COL16A1: variants seen among roughly 807,000 people sequenced by gnomAD.
COL16A1 encodes the protein collagen type XVI alpha 1 chain.
COL16A1 carries 189 observed loss-of-function variants against 266.3 expected under a neutral mutation model. The observed-to-expected ratio is 0.71, with a 90% CI of 0.63 to 0.80. COL16A1 has a LOEUF of 0.80. COL16A1 is among the 30% of genes least tolerant of loss of function. The pLI is 0.00. For missense variants in COL16A1, 1,928 were observed against 2,122.4 expected, an observed-to-expected ratio of 0.91 and a Z score of 1.80; for synonymous variants, 740 against 782.3, an observed-to-expected ratio of 0.95 and a Z score of 0.90.
intron 56 of COL16A1, 164 bp from the exon 57 acceptor site, chr1:31,662,822 C>A: frequency 1.5e-6 from 1 of 669,080 alleles, no homozygotes; most frequent in South Asian, 1.9e-5. Context: ...ATATGTGCCA[C>A]ACGTCGCCTC....
chr1:31,658,507 G>C lies in COL16A1; in HGVS notation c.4001C>G (p.Pro1334Arg). ...LAGLPGQPGP[P>R]GHPGPPGEPG... ...TCTTACTGGGGGGCCAGGGTGTCCA[G>C]GGGGGCCGGGCTGGCCTGGGAGGCC... The change falls in exon 64 of 71, where the codon CCT becomes CGT. Residue 1334 changes from proline to arginine, a missense_variant. Around this residue, in one of 2 missense-constraint regions of COL16A1, gnomAD observed 376 missense variants for 485.2 expected, o/e 0.77. Coordinates refer to ENST00000373672, the MANE Select transcript of COL16A1 (RefSeq NM_001856.4). 6.2e-7 allele frequency: 1 copy of C among 1,603,272 alleles called. No individual in the cohort carries two copies. The highest frequency in any genetic ancestry group is 8.5e-7 in the Non-Finnish European group (1 of 1,175,922).
Position 31,691,463 on chromosome 1 carries a change from G to A in COL16A1, c.1352C>T (p.Pro451Leu), listed in dbSNP as rs548698148. The A allele has an allele frequency of 2.3e-5, 37 of 1,613,220 alleles. No individual in the cohort carries two copies. Among genetic ancestry groups the A allele is most frequent in the South Asian group, 4.4e-5 (4 of 91,024 alleles). The change falls in exon 19 of 71, where the codon CCC (proline) becomes CTC (leucine). Residue 451 changes from proline to leucine, a missense_variant. Transcript: ENST00000373672. ...GPEGLAGEPG[P>L]PGLPGPPGIG... Reference sequence around the variant, plus strand: ...CCCAGGGGGTCCAGGGAGGCCGGGGGGCCCAGGCTCTCCTGCCAGCCCCTC... The same window carrying A: ...CCCAGGGGGTCCAGGGAGGCCGGGGAGCCCAGGCTCTCCTGCCAGCCCCTC...
intron 31 of COL16A1, 88 bp downstream of exon 31, chr1:31,684,435 T>C: frequency 6.5e-7 from 1 of 1,544,042 alleles, no homozygotes; most frequent in South Asian, 1.2e-5. Context: ...AGGCCCCAGC[T>C]GGCCCTGCAG....
rs1644114591 is a variant in COL16A1 at position 31,688,797 on chromosome 1, G to C, written c.1767+64C>G. ...CTGAGACTTGGGATCTGAAAAGCCA[G>C]GGAGATCAACAGTATGGCAAGGATG... On this transcript the variant is annotated intron_variant, in intron 25 of 70. Transcript: ENST00000373672. The surrounding 1 kb of genome is among the most constrained non-coding windows in gnomAD (Gnocchi z 4.9). 6.7e-6 allele frequency: 10 copies of C among 1,503,350 alleles called. No individual in the cohort carries two copies. Among genetic ancestry groups the C allele is most frequent in the Non-Finnish European group, 9.1e-6 (10 of 1,098,532 alleles). The allele number at this position is 1,503,350 out of a possible 1,614,324, so 93.1% of individuals were successfully genotyped here. A position where few individuals can be genotyped will look rare whatever the true frequency, so the allele number is the denominator to read the frequency against.
chr1:31,654,372 C>A (rs1640910984), intron 68 of COL16A1, among the ~76,000 whole-genome samples: 1 of 152,230 alleles, frequency 6.6e-6, no homozygotes, highest in Admixed American at 6.5e-5. Context: ...AGACGTCCAG[C>A]CCTTTCAGGA....
At position 31,688,862 on chromosome 1, in the gene COL16A1, G is replaced by T. The variant is rs766328375; in HGVS notation, c.1766C>A (p.Pro589Gln). The T allele has an allele frequency of 1.2e-6, 2 of 1,612,866 alleles. No homozygotes were observed. The highest frequency in any genetic ancestry group is 8.5e-7 in the Non-Finnish European group (1 of 1,179,342). Reference sequence around the variant, plus strand: ...GGCTGGGAGAAAGTCGTCACTCACCGGAAGGCCAGGCAGACCAAAGCCAGG... The same window carrying T: ...GGCTGGGAGAAAGTCGTCACTCACCTGAAGGCCAGGCAGACCAAAGCCAGG... Reference protein sequence around the residue: ...GSPGFGLPGLPGRAGVPGLKG... With the variant: ...GSPGFGLPGLQGRAGVPGLKG... Residue 589 changes from proline (P) to glutamine (Q), a missense_variant and splice_region_variant, in exon 25 of 71, where the codon CCG becomes CAG. Transcript: ENST00000373672. The surrounding 1 kb of genome is among the most constrained non-coding windows in gnomAD (Gnocchi z 4.9).
In COL16A1 at chr1:31,698,126, G is replaced by T; in HGVS notation, c.437C>A (p.Ala146Asp). The T allele has an allele frequency of 6.2e-7, 1 of 1,613,942 alleles. No individual in the cohort carries two copies. The highest frequency in any genetic ancestry group is 1.1e-5 in the South Asian group (1 of 91,074). Residue 146 changes from alanine (A) to aspartate (D), a missense_variant, in exon 6 of 71, where the codon GCC becomes GAC. Around this residue, in one of 2 missense-constraint regions of COL16A1, gnomAD observed 1,552 missense variants for 1,637.2 expected, o/e 0.95. Coordinates refer to ENST00000373672, the MANE Select transcript of COL16A1 (RefSeq NM_001856.4). The surrounding 1 kb of genome is among the most constrained non-coding windows in gnomAD (Gnocchi z 4.1). ...CACAAAGTCGCCATCCTGGCCCTGGGCCCTGAGCTCCAGGCTCCGCTCTTG... is the reference window on the plus strand; with the variant it reads ...CACAAAGTCGCCATCCTGGCCCTGGTCCCTGAGCTCCAGGCTCCGCTCTTG... ...NSQERSLELR[A>D]QGQDGDFVSC...
intron 42 of COL16A1, 141 bp from the exon 43 acceptor site, chr1:31,675,452 A>C: frequency 7.7e-7 from 1 of 1,293,860 alleles, no homozygotes; most frequent in Non-Finnish European, 1.1e-6. Flanking sequence ...GCTGACATCT[A>C]TTCTTAGCTC....
Position 31,688,769 on chromosome 1 carries a change from G to A in COL16A1, c.1767+92C>T. 7.4e-7 allele frequency: 1 copy of A among 1,354,374 alleles called. No homozygotes were observed. The highest frequency in any genetic ancestry group is 1.0e-6 in the Non-Finnish European group (1 of 973,500). 83.9% of individuals were successfully genotyped at this position (1,354,374 alleles called of 1,614,324 possible). ...CCTCTTCCCCTCCCTCCTGATCCCT[G>A]CCCTGAGACTTGGGATCTGAAAAGC... On this transcript the variant is annotated intron_variant, in intron 25 of 70. Coordinates refer to ENST00000373672, the MANE Select transcript of COL16A1 (RefSeq NM_001856.4). The surrounding 1 kb of genome is among the most constrained non-coding windows in gnomAD (Gnocchi z 4.9).
At position 31,668,468 on chromosome 1, in the gene COL16A1, C is replaced by G. The variant is rs949264443; in HGVS notation, c.3250-250G>C. Among the ~76,000 whole-genome samples, 5 of 152,134 alleles carry G rather than the reference C, an allele frequency of 3.3e-5. No individual in the cohort carries two copies. The highest frequency in any genetic ancestry group is 7.4e-5 in the Non-Finnish European group (5 of 68,024). ...CTGAGAGCTGAGCCGGAGCAGGGAG[C>G]CCAGAGCAGGCATGAGGACCAGGGA... is the stretch of plus-strand genomic sequence containing the variant. On this transcript the variant is annotated intron_variant, in intron 50 of 70. Transcript: ENST00000373672. The surrounding 1 kb of genome is among the most constrained non-coding windows in gnomAD (Gnocchi z 5.8).
At chr1:31,666,113 C>T in intron 52 of COL16A1, 32 bp from the exon 53 acceptor site, 1 of 1,598,072 alleles carries the variant, frequency 6.3e-7, no homozygotes, top group Non-Finnish European at 8.5e-7. Flanking sequence ...ATCAGTCACT[C>T]CTCCTGGGGA....
chr1:31,672,926 G>A (rs774007382), intron 44 of COL16A1, 86 bp from the exon 45 acceptor site: 2 of 1,271,376 alleles, frequency 1.6e-6, no homozygotes, highest in South Asian at 1.3e-5. Context: ...AGAACCCAGA[G>A]CCAGGGCTCC....
Position 31,657,260 on chromosome 1 carries a change from C to A in COL16A1, c.4021-192G>T. ...CCCACCCCATACTCCAGCGTGATCCCAGAGCCCCAACAGCTCCCAGCCCCC... is the reference window on the plus strand; with the variant it reads ...CCCACCCCATACTCCAGCGTGATCCAAGAGCCCCAACAGCTCCCAGCCCCC... On this transcript the variant is annotated intron_variant, in intron 64 of 70. Coordinates refer to ENST00000373672, the MANE Select transcript of COL16A1 (RefSeq NM_001856.4). This position sits in a 1 kb window ranked among gnomAD's most constrained non-coding sequence, Gnocchi z 6.4. 3.1e-6 allele frequency: 2 copies of A among 641,160 alleles called. No individual in the cohort carries two copies. Among genetic ancestry groups the A allele is most frequent in the East Asian group, 2.7e-5 (1 of 36,444 alleles). 39.7% of individuals were successfully genotyped at this position (641,160 alleles called of 1,614,324 possible).
chr1:31,685,908 GAAGGGAGAACAGGAAAGAAACA>G lies in COL16A1; in HGVS notation c.1885-160_1885-139del. On this transcript the variant is annotated intron_variant, in intron 28 of 70. Transcript: ENST00000373672. This position sits in a 1 kb window ranked among gnomAD's most constrained non-coding sequence, Gnocchi z 4.0. ...GGTGAGGGGTTATCTTGGGAAAGAT[GAAGGGAGAACAGGAAAGAAACA>G]AAGGTGGAGCTGAGTCATCAGGGGT... 1 of 1,503,692 alleles carries G rather than the reference GAAGGGAGAACAGGAAAGAAACA, an allele frequency of 6.7e-7. No homozygotes were observed. The highest frequency in any genetic ancestry group is 9.0e-7 in the Non-Finnish European group (1 of 1,108,798). 93.1% of individuals were successfully genotyped at this position (1,503,692 alleles called of 1,614,324 possible).
intron 37 of COL16A1, among the ~76,000 whole-genome samples, chr1:31,681,400 C>G (rs1643633877): frequency 6.6e-6 from 1 of 152,252 alleles, no homozygotes; most frequent in African/African-American, 2.4e-5. Context: ...GACCCAACAG[C>G]CAGCTGCAGC....
At chr1:31,690,464 C>T in intron 21 of COL16A1, 65 bp downstream of exon 21, 1 of 1,614,202 alleles carries the variant, frequency 6.2e-7, no homozygotes, top group Non-Finnish European at 8.5e-7. Context: ...GGCCGGAGGA[C>T]CTAGCCCCTC....
intron 42 of COL16A1, 134 bp from the exon 43 acceptor site, chr1:31,675,445 G>A: frequency 1.5e-6 from 2 of 1,329,366 alleles, no homozygotes; most frequent in South Asian, 2.7e-5. Context: ...GCACAAGGCT[G>A]ACATCTATTC....
Position 31,697,352 on chromosome 1 carries a change from G to A in COL16A1, c.658-52C>T. Reference sequence around the variant, plus strand: ...ACTTCATTTTATCAAATAGCTCTGTGTCCTGGCCCCCCAGGAGGCACAGAG... The same window carrying A: ...ACTTCATTTTATCAAATAGCTCTGTATCCTGGCCCCCCAGGAGGCACAGAG... On this transcript the variant is annotated intron_variant, in intron 6 of 70. Transcript: ENST00000373672. The surrounding 1 kb of genome is among the most constrained non-coding windows in gnomAD (Gnocchi z 4.2). 1 of 1,523,658 alleles carries A rather than the reference G, an allele frequency of 6.6e-7. No individual in the cohort carries two copies. Among genetic ancestry groups the A allele is most frequent in the East Asian group, 2.4e-5 (1 of 40,842 alleles). The allele number at this position is 1,523,658 out of a possible 1,614,324, so 94.4% of individuals were successfully genotyped here.
In COL16A1 at chr1:31,653,605, G is replaced by T. The variant is rs1438806341; in HGVS notation, c.4606C>A (p.Pro1536Thr). ...GIAGENGLPG[P>T]PGPQGPPGYG... ...AAATGGTGGTATTTCCTACCTGGGG[G>T]GCCGGGAAGACCATTTTCTCCTGCA... Residue 1536 changes from proline (P) to threonine (T), a missense_variant, in exon 70 of 71, where the codon CCC (proline) becomes ACC (threonine). Transcript: ENST00000373672. 21 of 1,613,498 alleles carry T rather than the reference G, an allele frequency of 1.3e-5. No individual in the cohort carries two copies. The highest frequency in any genetic ancestry group is 2.7e-5 in the African/African-American group (2 of 74,826).
Sources: gnomAD v4.1 joint callset for allele counts (sites outside exome capture counted in the v4.1 genomes callset) on GRCh38, gnomAD v4.1.1 for gene constraint, gnomAD v4.1.1 regional missense constraint, Gnocchi (gnomAD v3.1) non-coding constraint, MANE v1.5 for transcripts, NCBI Gene and HGNC (gene_info 2026-07-23, HGNC 2026-07-21) for gene names.